The following MGAT4C variants were observed in gnomAD, a reference collection of about 807,000 sequenced individuals.
The protein encoded by MGAT4C is alpha-1,3-mannosyl-glycoprotein 4-beta-N-acetylglucosaminyltransferase C.
Under a neutral mutation model 40.1 loss-of-function variants are expected in MGAT4C, and 19 were observed. The observed-to-expected ratio is 0.47, with a 90% CI of 0.33 to 0.70. The LOEUF (loss-of-function observed/expected upper bound fraction) is 0.70, where lower values mean the gene tolerates loss of function less well. Among genes scored for constraint, MGAT4C ranks in the 30% least tolerant of loss-of-function variants. The pLI, the probability that MGAT4C is intolerant of heterozygous loss-of-function variation, is 0.02. For synonymous variants in MGAT4C, 181 were observed against 187.1 expected (o/e 0.97, Z 0.27); for missense variants, 491 against 563.2 (o/e 0.87, Z 1.30).
chr12:86,584,755 A>T (rs1960936925), intron 2 of MGAT4C, among the ~76,000 whole-genome samples: 1 of 151,330 alleles, frequency 6.6e-6, no homozygotes, highest in South Asian at 2.1e-4. Context: ...AAAGGTTATG[A>T]TTGCAACACT....
chr12:86,804,481 T>C (rs1039885436), intron 1 of MGAT4C, among the ~76,000 whole-genome samples: 3 of 151,764 alleles, frequency 2.0e-5, no homozygotes, highest in Non-Finnish European at 4.4e-5. Flanking sequence ...ATATTTTTCT[T>C]TTATGAATTA....
At chr12:86,377,049 T>C (rs1955841124) in intron 3 of MGAT4C, among the ~76,000 whole-genome samples, 1 of 151,804 alleles carries the variant, frequency 6.6e-6, no homozygotes, top group African/African-American at 2.4e-5. Flanking sequence ...TTTCCTGTGG[T>C]TAGGCATTTG....
intron 3 of MGAT4C, among the ~76,000 whole-genome samples, chr12:86,410,593 CAT>C (rs780453580): frequency 9.9e-4 from 150 of 152,100 alleles, no homozygotes; most frequent in African/African-American, 3.5e-3. Flanking sequence ...TTCAAACACA[CAT>C]GTTTTACAAT....
At chr12:86,236,769 CA>C (rs1367092052) in intron 1 of MGAT4C, among the ~76,000 whole-genome samples, 1 of 151,788 alleles carries the variant, frequency 6.6e-6, no homozygotes, top group Non-Finnish European at 1.5e-5. Context: ...AGAAAAAACA[CA>C]AAAGTTGATT....
At chr12:86,410,856 C>T (rs780551550) in intron 3 of MGAT4C, among the ~76,000 whole-genome samples, 1 of 152,190 alleles carries the variant, frequency 6.6e-6, no homozygotes, top group African/African-American at 2.4e-5. Context: ...TGTTCCTCTG[C>T]TGTGGCTCCA....
chr12:86,835,497 T>C (rs1468416309), intron 1 of MGAT4C, among the ~76,000 whole-genome samples: 1 of 151,784 alleles, frequency 6.6e-6, no homozygotes, highest in Non-Finnish European at 1.5e-5. Flanking sequence ...CACTAGATAA[T>C]CCACGTAGCA....
At chr12:86,028,135 C>T (rs1402780792) in intron 2 of MGAT4C, 7 of 1,288,396 alleles carry the variant, frequency 5.4e-6, no homozygotes, top group Non-Finnish European at 7.1e-6. Context: ...TGCCACACTC[C>T]TCTGCACAGT....
chr12:86,769,695 A>T (rs1951592412), intron 1 of MGAT4C, among the ~76,000 whole-genome samples: 1 of 152,152 alleles, frequency 6.6e-6, no homozygotes, highest in Non-Finnish European at 1.5e-5. Flanking sequence ...ATAAAAAATG[A>T]TGAGTTCATG....
chr12:86,835,271 T>A (rs1189287992), intron 1 of MGAT4C, among the ~76,000 whole-genome samples: 1 of 151,986 alleles, frequency 6.6e-6, no homozygotes, highest in African/African-American at 2.4e-5. Flanking sequence ...ATAGATACTA[T>A]TTTTGTAAAG....
intron 2 of MGAT4C, among the ~76,000 whole-genome samples, chr12:86,479,422 G>A (rs373206438): frequency 6.6e-6 from 1 of 151,834 alleles, no homozygotes; most frequent in African/African-American, 2.4e-5. Context: ...GGGCTGGTAG[G>A]TGCCTGCATG....
intron 1 of MGAT4C, among the ~76,000 whole-genome samples, chr12:86,139,611 T>G (rs1882539243): frequency 6.6e-6 from 1 of 152,096 alleles, no homozygotes; most frequent in Non-Finnish European, 1.5e-5. Context: ...TTCTAAAGAT[T>G]AACTTAATAA....
intron 4 of MGAT4C, among the ~76,000 whole-genome samples, chr12:86,270,981 T>C (rs1355838198): frequency 6.6e-6 from 1 of 152,132 alleles, no homozygotes; most frequent in Admixed American, 6.6e-5. Flanking sequence ...CAAATAAAAC[T>C]GGAATTCTAT....
chr12:86,318,616 C>T lies in MGAT4C; in HGVS notation c.-57+15449G>A, dbSNP rs997687155. On this transcript the variant is annotated intron_variant, in intron 4 of 7. Transcript: ENST00000548651. The stretch of plus-strand genomic sequence containing the variant: ...TACCTTAAACTTACTGTATAGTTGG[C>T]TTCCAGATCTAAGTCATGAACAAAA... 2.0e-5 allele frequency among the ~76,000 whole-genome samples: 3 copies of T among 152,130 alleles called. No individual in the cohort carries two copies. In the South Asian group the frequency reaches 6.2e-4, roughly 31 times the overall value.
chr12:86,258,629 T>TA (rs1167908206), upstream of MGAT4C, among the ~76,000 whole-genome samples: 1 of 152,044 alleles, frequency 6.6e-6, no homozygotes, highest in Non-Finnish European at 1.5e-5. Flanking sequence ...GTGAATAAGG[T>TA]ACCTAGTAAA....
At chr12:86,500,020 CA>C (rs1458199393) in intron 2 of MGAT4C, among the ~76,000 whole-genome samples, 1 of 151,492 alleles carries the variant, frequency 6.6e-6, no homozygotes, top group African/African-American at 2.4e-5. Flanking sequence ...ATTCTTTCAA[CA>C]TATCAAAACA....
chr12:86,679,525 G>A (rs1483543706), intron 2 of MGAT4C, among the ~76,000 whole-genome samples: 4 of 151,954 alleles, frequency 2.6e-5, no homozygotes, highest in Non-Finnish European at 5.9e-5. Flanking sequence ...GACTGCAATA[G>A]TTTGAATGTG....
intron 2 of MGAT4C, among the ~76,000 whole-genome samples, chr12:86,529,312 C>T (rs1261841131): frequency 6.6e-6 from 1 of 152,044 alleles, no homozygotes; most frequent in Non-Finnish European, 1.5e-5. Flanking sequence ...TGAGGCAATT[C>T]ACTGCACCTG....
intron 4 of MGAT4C, among the ~76,000 whole-genome samples, chr12:86,277,060 A>G (rs1277024090): frequency 2.6e-5 from 4 of 152,196 alleles, no homozygotes; most frequent in Non-Finnish European, 5.9e-5. Flanking sequence ...ACAGCGTATG[A>G]GAGTTCCCTT....
intron 1 of MGAT4C, among the ~76,000 whole-genome samples, chr12:86,801,909 T>C (rs779951849): frequency 1.7e-4 from 26 of 151,918 alleles, no homozygotes; most frequent in Non-Finnish European, 2.5e-4. Context: ...TTTTAGTGAT[T>C]TGCCATGGGA....
Sources: gnomAD v4.1 joint callset for allele counts (sites outside exome capture counted in the v4.1 genomes callset) on GRCh38, gnomAD v4.1.1 for gene constraint, MANE v1.5 for transcripts, NCBI Gene and HGNC (gene_info 2026-07-23, HGNC 2026-07-21) for gene names.